Variants in CENPE observed in about 807,000 individuals in gnomAD.
The protein encoded by CENPE is centromere protein E.
A neutral mutation model predicts 336.1 loss-of-function variants in CENPE; 145 were observed. That is an observed-to-expected ratio of 0.43 (90% CI 0.38 to 0.50). CENPE has a LOEUF of 0.50. Among genes scored for constraint, CENPE ranks in the 20% least tolerant of loss-of-function variants. The pLI is 0.00. For missense variants in CENPE, 2,719 were observed against 3,023.3 expected (o/e 0.90, Z 2.36); for synonymous variants, 1,013 against 984.8 (o/e 1.03, Z -0.54).
At chr4:103,114,993 C>T (rs1015624693) in intron 45 of CENPE, among the ~76,000 whole-genome samples, 1 of 152,168 alleles carries the variant, frequency 6.6e-6, no homozygotes, top group Non-Finnish European at 1.5e-5. Flanking sequence ...AGGTCAAATT[C>T]TGATCACTGT....
Position 103,122,839 on chromosome 4 carries a change from A to T in CENPE, c.7143+32T>A, listed in dbSNP as rs113738566. The T allele has an allele frequency of 9.2e-6, 14 of 1,525,546 alleles. 1 individual carries two copies. The highest frequency in any genetic ancestry group is 1.7e-4 in the Middle Eastern group (1 of 5,884). The allele number at this position is 1,525,546 out of a possible 1,614,324, so 94.5% of individuals were successfully genotyped here. A position where few individuals can be genotyped will look rare whatever the true frequency, so the allele number is the denominator to read the frequency against. On this transcript the variant is annotated intron_variant, in intron 43 of 48. Transcript: ENST00000265148. ...CTCTAAACTCTGTGATGAAGCTGCA[A>T]ACTGAAGAACATTTTATAAGAAATT...
At chr4:103,159,693 C>T (rs1015632183) in intron 21 of CENPE, among the ~76,000 whole-genome samples, 2 of 151,644 alleles carry the variant, frequency 1.3e-5, no homozygotes, top group Non-Finnish European at 3.0e-5. Context: ...GCTTTGAATG[C>T]CTCTCAGGTT....
rs78746015 is a variant in CENPE at position 103,153,588 on chromosome 4, C to T, written c.3034-338G>A. Among the ~76,000 whole-genome samples the T allele has an allele frequency of 7.4e-4, 113 of 152,226 alleles. 1 individual carries two copies. In the East Asian group the frequency reaches 0.021, roughly 28 times the overall value. ...CTACAAATATTAATAATTGTCTTCA[C>T]GTATGATAGGTTAACATGATTCTGC... On this transcript the variant is annotated intron_variant, in intron 24 of 48. Coordinates refer to ENST00000265148, the MANE Select transcript of CENPE (RefSeq NM_001813.3).
chr4:103,134,630 C>T (rs538201817), intron 40 of CENPE, among the ~76,000 whole-genome samples: 8 of 120,172 alleles, frequency 6.7e-5, no homozygotes, highest in Admixed American at 1.8e-4. Context: ...AGCAAGACTC[C>T]GTCTCAAAAA....
chr4:103,120,516 T>A (rs116718624), intron 43 of CENPE, among the ~76,000 whole-genome samples, 183 bp from the exon 44 acceptor site: 1 of 152,322 alleles, frequency 6.6e-6, no homozygotes, highest in East Asian at 1.9e-4. Flanking sequence ...ATTTAGATGA[T>A]GATTTTTGGA....
chr4:103,152,483 C>T (rs1218544628), intron 25 of CENPE, among the ~76,000 whole-genome samples: 1 of 152,166 alleles, frequency 6.6e-6, no homozygotes, highest in East Asian at 1.9e-4. Context: ...TCAAGTTAAA[C>T]ATATTCTTCC....
At chr4:103,162,062 A>C (rs1213963738) in intron 18 of CENPE, among the ~76,000 whole-genome samples, 2 of 152,162 alleles carry the variant, frequency 1.3e-5, no homozygotes, top group African/African-American at 4.8e-5. Flanking sequence ...AGGAAAAAGA[A>C]ATAGTAATTT....
intron 26 of CENPE, among the ~76,000 whole-genome samples, chr4:103,150,147 C>T (rs1753416466): frequency 6.6e-6 from 1 of 152,130 alleles, no homozygotes; most frequent in Non-Finnish European, 1.5e-5. Context: ...TTATGGGTGG[C>T]TCCCCCAAAT....
chr4:103,112,769 T>C (rs1396296379), intron 46 of CENPE, among the ~76,000 whole-genome samples: 1 of 93,940 alleles, frequency 1.1e-5, no homozygotes, highest in Non-Finnish European at 2.0e-5. Context: ...TATATACTTA[T>C]AAGTATATAA....
rs755566951 is a variant in CENPE, at chr4:103,110,871, G to C, written c.7681C>G (p.Gln2561Glu). Residue 2561 changes from glutamine to glutamate, a missense_variant, in exon 47 of 49, where the codon CAG becomes GAG. By Grantham distance (29) the Gln-to-Glu change is conservative. Around this residue, in one of 5 missense-constraint regions of CENPE, gnomAD observed 2,437 missense variants for 2,513.3 expected, o/e 0.97. Transcript: ENST00000265148. The part of the protein sequence containing the change: ...RLEKEISKLK[Q>E]QNEQLIKQKN... ...TGTTTTATTAGCTGTTCATTTTGCT[G>C]CTTTAACTTAGAAATTTCTTTTTCT... 3 of 1,606,916 alleles carry C rather than the reference G, an allele frequency of 1.9e-6. No individual in the cohort carries two copies. The highest frequency in any genetic ancestry group is 1.7e-5 in the Admixed American group (1 of 58,516).
chr4:103,159,446 T>C lies in CENPE; in HGVS notation c.2287-122A>G. 5.2e-6 allele frequency: 3 copies of C among 574,528 alleles called. No homozygotes were observed. In the South Asian group the frequency reaches 8.5e-5, roughly 16 times the overall value. 35.6% of individuals were successfully genotyped at this position (574,528 alleles called of 1,614,324 possible). A position where few individuals can be genotyped will look rare whatever the true frequency, so the allele number is the denominator to read the frequency against. ...TTTACATTCAGCAAAAATTTGACTG[T>C]GGAAAGGCAATATAGTAGTACTCTT... On this transcript the variant is annotated intron_variant, in intron 21 of 48. Coordinates refer to ENST00000265148, the MANE Select transcript of CENPE (RefSeq NM_001813.3).
intron 25 of CENPE, among the ~76,000 whole-genome samples, chr4:103,152,276 G>C (rs1169952639): frequency 6.6e-6 from 1 of 152,124 alleles, no homozygotes; most frequent in Admixed American, 6.6e-5. Flanking sequence ...AAGAAAAAAT[G>C]TTCAACATCT....
intron 13 of CENPE, among the ~76,000 whole-genome samples, chr4:103,177,703 C>T (rs116153249): frequency 0.018 from 2,671 of 151,968 alleles, 97 homozygotes; most frequent in African/African-American, 0.062. Flanking sequence ...GCAACCATTC[C>T]GTCACATTGC....
chr4:103,140,724 T>C, intron 36 of CENPE, 90 bp downstream of exon 36: 1 of 1,074,498 alleles, frequency 9.3e-7, no homozygotes, highest in Non-Finnish European at 1.3e-6. Context: ...TTTCTAGGTT[T>C]TAGTCACCAG....
At position 103,144,557 on chromosome 4, in the gene CENPE, T is replaced by G. The variant is rs1434655045; in HGVS notation, c.4919A>C (p.Gln1640Pro). Reference sequence around the variant, plus strand: ...GTGTTCTATTTCACACATTTTCTCCTGAGTCTCATTGACAGCTGTCATCTT... The same window carrying G: ...GTGTTCTATTTCACACATTTTCTCCGGAGTCTCATTGACAGCTGTCATCTT... ...FLKMTAVNET[Q>P]EKMCEIEHLK... The change falls in exon 33 of 49, where the codon CAG becomes CCG. Residue 1640 changes from glutamine to proline, a missense_variant. Coordinates refer to ENST00000265148, the MANE Select transcript of CENPE (RefSeq NM_001813.3). The G allele has an allele frequency of 2.5e-6, 4 of 1,612,826 alleles. No individual in the cohort carries two copies. Among genetic ancestry groups the G allele is most frequent in the Middle Eastern group, 1.6e-4 (1 of 6,082 alleles).
At chr4:103,115,977 C>T (rs1305076460) in intron 45 of CENPE, among the ~76,000 whole-genome samples, 1 of 151,846 alleles carries the variant, frequency 6.6e-6, no homozygotes, top group Non-Finnish European at 1.5e-5. Flanking sequence ...GTGATTTGCC[C>T]GTGTAGCCCT....
intron 26 of CENPE, among the ~76,000 whole-genome samples, chr4:103,150,875 C>A (rs1753483082): frequency 6.6e-6 from 1 of 152,140 alleles, no homozygotes; most frequent in African/African-American, 2.4e-5. Context: ...TGCATCTCTG[C>A]AAGGAAAGAA....
chr4:103,157,896 T>C (rs1224135463), intron 24 of CENPE, among the ~76,000 whole-genome samples: 1 of 151,956 alleles, frequency 6.6e-6, no homozygotes, highest in Non-Finnish European at 1.5e-5. Context: ...GACATGTTAT[T>C]ACAAAATTAC....
intron 42 of CENPE, among the ~76,000 whole-genome samples, chr4:103,126,279 A>AC (rs1176873516): frequency 6.7e-6 from 1 of 149,778 alleles, no homozygotes; most frequent in Non-Finnish European, 1.5e-5. Flanking sequence ...AAAACACAGC[A>AC]TTTTTTTTTT....
Sources: gnomAD v4.1 joint callset for allele counts (sites outside exome capture counted in the v4.1 genomes callset) on GRCh38, gnomAD v4.1.1 for gene constraint, gnomAD v4.1.1 regional missense constraint, MANE v1.5 for transcripts, NCBI Gene and HGNC (gene_info 2026-07-23, HGNC 2026-07-21) for gene names.